The following TGFBR2 variants were observed in gnomAD, a reference collection of about 807,000 sequenced individuals.
The protein encoded by TGFBR2 is transforming growth factor beta receptor 2.
In TGFBR2, 18 loss-of-function variants were observed where a neutral mutation model predicts 49.0. That is an observed-to-expected ratio of 0.37 (90% CI 0.25 to 0.54). The LOEUF (loss-of-function observed/expected upper bound fraction) is 0.54. TGFBR2 is among the 20% of genes least tolerant of loss of function. The probability of loss-of-function intolerance (pLI) is 0.85; values close to 1 mark genes in which losing one functional copy is unlikely to be tolerated. For synonymous variants in TGFBR2, 282 were observed against 275.9 expected (o/e 1.02, Z -0.22); for missense variants, 525 against 722.6 (o/e 0.73, Z 3.13).
chr3:30,653,254 T>TTTTTC (rs1423103189), intron 3 of TGFBR2, among the ~76,000 whole-genome samples: 7 of 102,166 alleles, frequency 6.9e-5, no homozygotes, highest in Non-Finnish European at 1.2e-4. Context: ...TGAAAACTTT[T>TTTTTC]TTTTTTTTTT....
intron 1 of TGFBR2, among the ~76,000 whole-genome samples, chr3:30,620,370 G>A (rs1008687670): frequency 7.2e-5 from 11 of 152,034 alleles, no homozygotes; most frequent in African/African-American, 2.4e-4. Context: ...GATCCAAGGC[G>A]GGGAGTGCTA....
chr3:30,624,610 G>A (rs1835539), intron 1 of TGFBR2, among the ~76,000 whole-genome samples: 25,029 of 146,250 alleles, frequency 0.17, 2,686 homozygotes, highest in Admixed American at 0.28. Context: ...GCAAGACTCC[G>A]TCTCAAAGGA....
At chr3:30,641,965 A>C (rs1559455468) in intron 1 of TGFBR2, among the ~76,000 whole-genome samples, 1 of 148,892 alleles carries the variant, frequency 6.7e-6, no homozygotes, top group African/African-American at 2.5e-5. Context: ...TCTTTCTTCT[A>C]ATGGTCCTTT....
At chr3:30,609,080 C>G (rs1456021110) in intron 1 of TGFBR2, among the ~76,000 whole-genome samples, 1 of 152,124 alleles carries the variant, frequency 6.6e-6, no homozygotes, top group African/African-American at 2.4e-5. Context: ...AGCTTAAAAA[C>G]GTGGTGGCTT....
chr3:30,658,753 C>G (rs1016673287), intron 3 of TGFBR2, among the ~76,000 whole-genome samples: 4 of 152,206 alleles, frequency 2.6e-5, no homozygotes, highest in African/African-American at 9.7e-5. Context: ...TAGCCTATCT[C>G]TGGCAGGAAG....
intron 2 of TGFBR2, among the ~76,000 whole-genome samples, chr3:30,645,920 T>G (rs941087324): frequency 6.6e-6 from 1 of 152,172 alleles, no homozygotes; most frequent in Non-Finnish European, 1.5e-5. Flanking sequence ...TTTGATTAAT[T>G]CATGGTTATA....
chr3:30,650,549 C>A, intron 3 of TGFBR2, 89 bp downstream of exon 3: 1 of 1,374,678 alleles, frequency 7.3e-7, no homozygotes. Context: ...GCACATTCCT[C>A]CTGTGGTGGA....
chr3:30,660,576 T>C (rs1699102857), intron 3 of TGFBR2, among the ~76,000 whole-genome samples: 1 of 152,178 alleles, frequency 6.6e-6, no homozygotes, highest in Non-Finnish European at 1.5e-5. Context: ...GAATGGCAGC[T>C]ACCACAGGAA....
chr3:30,640,844 G>C (rs150549802), intron 1 of TGFBR2, among the ~76,000 whole-genome samples: 2 of 152,102 alleles, frequency 1.3e-5, no homozygotes, highest in African/African-American at 2.4e-5. Context: ...TAATTAGGTG[G>C]GTTTTGTATC....
intron 3 of TGFBR2, among the ~76,000 whole-genome samples, chr3:30,653,726 T>C (rs553113364): frequency 2.0e-5 from 3 of 152,290 alleles, no homozygotes; most frequent in South Asian, 4.1e-4. Context: ...TTTTTTAATA[T>C]GTAAGAAAAA....
intron 1 of TGFBR2, among the ~76,000 whole-genome samples, chr3:30,638,456 C>T (rs1698584007): frequency 6.6e-6 from 1 of 152,178 alleles, no homozygotes; most frequent in Non-Finnish European, 1.5e-5. Context: ...ATGATGGTAT[C>T]TCTAGTATTG....
At chr3:30,607,828 T>TATATATATAATTATATATATAA (rs538553261) in intron 1 of TGFBR2, among the ~76,000 whole-genome samples, 1 of 137,254 alleles carries the variant, frequency 7.3e-6, no homozygotes, top group Non-Finnish European at 1.5e-5. Flanking sequence ...TATATATAAA[T>TATATATATAATTATATATATAA]ATATATATAA....
In TGFBR2 at chr3:30,651,779, C is replaced by A. The variant is rs9811309; in HGVS notation, c.454+1319C>A. ...TGAATAAGCACTACTAAACTATTCT[C>A]CTCCTGAAAAGGATGTAAGCATATG... On this transcript the variant is annotated intron_variant, in intron 3 of 6. Coordinates refer to ENST00000295754, the MANE Select transcript of TGFBR2 (RefSeq NM_003242.6). Among the ~76,000 whole-genome samples the A allele has an allele frequency of 3.7e-4, 57 of 152,304 alleles. 1 individual carries two copies. Among genetic ancestry groups the A allele is most frequent in the African/African-American group, 1.4e-3 (57 of 41,558 alleles).
chr3:30,644,985 C>G, intron 2 of TGFBR2, 70 bp downstream of exon 2: 1 of 1,384,372 alleles, frequency 7.2e-7, no homozygotes, highest in Non-Finnish European at 1.0e-6. Context: ...ATAGTACACA[C>G]AGTCAGTGTA....
At chr3:30,622,109 C>A (rs1279998186) in intron 1 of TGFBR2, among the ~76,000 whole-genome samples, 3 of 152,142 alleles carry the variant, frequency 2.0e-5, no homozygotes, top group Admixed American at 6.6e-5. Context: ...ACCTCTGATA[C>A]AATGTACTGT....
chr3:30,672,004 T>C lies in TGFBR2; in HGVS notation c.821T>C (p.Val274Ala), dbSNP rs1228411775. 6.2e-7 allele frequency: 1 copy of C among 1,614,180 alleles called. No homozygotes were observed. Among genetic ancestry groups the C allele is most frequent in the African/African-American group, 1.3e-5 (1 of 75,044 alleles). Residue 274 changes from valine (V) to alanine (A), a missense_variant, in exon 4 of 7, where the codon GTG becomes GCG. Physicochemically the swap from Val to Ala is moderately conservative, Grantham distance 64. Transcript: ENST00000295754. The surrounding 1 kb of genome is among the most constrained non-coding windows in gnomAD (Gnocchi z 4.5). The stretch of plus-strand genomic sequence containing the variant: ...AACACTTCAGAGCAGTTTGAGACAG[T>C]GGCAGTCAAGATCTTTCCCTATGAG... ...KQNTSEQFET[V>A]AVKIFPYEEY...
intron 1 of TGFBR2, among the ~76,000 whole-genome samples, chr3:30,609,343 A>G (rs1405240034): frequency 6.6e-6 from 1 of 152,148 alleles, no homozygotes; most frequent in African/African-American, 2.4e-5. Flanking sequence ...AACTGAAAAC[A>G]TTTTTTCAAA....
chr3:30,671,553 T>C (rs746535742), intron 3 of TGFBR2, 85 bp from the exon 4 acceptor site: 33 of 1,348,346 alleles, frequency 2.4e-5, no homozygotes, highest in Middle Eastern at 1.9e-4. Flanking sequence ...CTAAAATCTA[T>C]AGATGCTCAG....
At chr3:30,609,935 A>G (rs906735340) in intron 1 of TGFBR2, among the ~76,000 whole-genome samples, 1 of 152,186 alleles carries the variant, frequency 6.6e-6, no homozygotes, top group African/African-American at 2.4e-5. Flanking sequence ...CTTCTTTTCA[A>G]TGTAGCATTC....
Sources: gnomAD v4.1 joint callset for allele counts (sites outside exome capture counted in the v4.1 genomes callset) on GRCh38, gnomAD v4.1.1 for gene constraint, Gnocchi (gnomAD v3.1) non-coding constraint, MANE v1.5 for transcripts, NCBI Gene and HGNC (gene_info 2026-07-23, HGNC 2026-07-21) for gene names.